OR8G1: variants seen among roughly 807,000 people sequenced by gnomAD.
OR8G1 encodes olfactory receptor family 8 subfamily G member 1.
For synonymous variants in OR8G1, 129 were observed against 133.3 expected (o/e 0.97, Z 0.22); for missense variants, 372 against 356.2 (o/e 1.04, Z -0.36).
chr11:124,246,652 C>T (rs182336736), intron 1 of OR8G1, among the ~76,000 whole-genome samples: 1 of 151,630 alleles, frequency 6.6e-6, no homozygotes, highest in East Asian at 1.9e-4. Flanking sequence ...AAAATCTAAA[C>T]AACATAATTA....
chr11:124,250,145 C>T lies in OR8G1; in HGVS notation c.470C>T (p.Ser157Leu), dbSNP rs1316870453. 6.2e-7 allele frequency: 1 copy of T among 1,613,804 alleles called. No individual in the cohort carries two copies. The part of the protein sequence containing the change: ...GVYIIGLVCA[S>L]VHTGCMFRVQ... Reference sequence around the variant, plus strand: ...TATATAATAGGCCTGGTTTGTGCATCAGTTCATACAGGCTGTATGTTTAGG... The same window carrying T: ...TATATAATAGGCCTGGTTTGTGCATTAGTTCATACAGGCTGTATGTTTAGG... The change falls in exon 3 of 3, where the codon TCA becomes TTA. Residue 157 changes from serine (S) to leucine (L), a missense_variant. Coordinates refer to ENST00000641972, the MANE Select transcript of OR8G1 (RefSeq NM_001002905.2).
intron 1 of OR8G1, 117 bp downstream of exon 1, chr11:124,241,481 AT>A (rs1343202370): frequency 6.6e-6 from 1 of 152,120 alleles, no homozygotes; most frequent in Non-Finnish European, 1.5e-5. Flanking sequence ...TATTTATGAA[AT>A]GCTCTTTTAA....
rs1438982204 is a variant in OR8G1, at chr11:124,250,694, A to G, written c.*83A>G. 111 of 406,234 alleles carry G rather than the reference A, an allele frequency of 2.7e-4. 34 individuals carry two copies. Among genetic ancestry groups the G allele is most frequent in the African/African-American group, 6.8e-5 (2 of 29,374 alleles). 25.2% of individuals were successfully genotyped at this position (406,234 alleles called of 1,614,324 possible). The stretch of plus-strand genomic sequence containing the variant: ...GAATGGATGTCTTTCACTTTAATGC[A>G]TCTGTCAATAATTTTTACCATTTGG... On this transcript the variant is annotated 3_prime_UTR_variant, in exon 3 of 3. Coordinates refer to ENST00000641972, the MANE Select transcript of OR8G1 (RefSeq NM_001002905.2).
At chr11:124,244,228 C>G (rs1343135410) in intron 1 of OR8G1, among the ~76,000 whole-genome samples, 1 of 151,858 alleles carries the variant, frequency 6.6e-6, no homozygotes, top group East Asian at 1.9e-4. Context: ...TGGAACTATT[C>G]TACAAAGACT....
In OR8G1 at chr11:124,252,128, G is replaced by A. The variant is rs1189048101; in HGVS notation, c.*1517G>A. On this transcript the variant is annotated 3_prime_UTR_variant, in exon 3 of 3. Transcript: ENST00000641972. ...ATAGGTTAATAGGACTATTTCCCGG[G>A]AACTCTAAAAACATGGCATGTATAA... 6 of 152,048 alleles carry A rather than the reference G, an allele frequency of 3.9e-5. No homozygotes were observed. Among genetic ancestry groups the A allele is most frequent in the Non-Finnish European group, 8.8e-5 (6 of 68,010 alleles). The allele number at this position is 152,048 out of a possible 1,614,324, so 9.4% of individuals were successfully genotyped here. A position where few individuals can be genotyped will look rare whatever the true frequency, so the allele number is the denominator to read the frequency against.
intron 2 of OR8G1, among the ~76,000 whole-genome samples, chr11:124,248,402 CTG>C (rs954418162): frequency 5.3e-5 from 8 of 149,844 alleles, no homozygotes; most frequent in Admixed American, 6.7e-5. Context: ...TTATGTGTGT[CTG>C]TGTGTGTGTG....
chr11:124,250,479 G>T lies in OR8G1; in HGVS notation c.804G>T (p.Met268Ile). 1 of 1,613,640 alleles carries T rather than the reference G, an allele frequency of 6.2e-7. No homozygotes were observed. The highest frequency in any genetic ancestry group is 8.5e-7 in the Non-Finnish European group (1 of 1,179,740). Residue 268 changes from methionine to isoleucine, a missense_variant, in exon 3 of 3, where the codon ATG becomes ATT. By Grantham distance (10) the Met-to-Ile change is conservative. Coordinates refer to ENST00000641972, the MANE Select transcript of OR8G1 (RefSeq NM_001002905.2). Reference sequence around the variant, plus strand: ...TGCAGCCATCTTCAATCAGCTCCATGGACCAGGGGAAAGTATCCTCTGTGT... The same window carrying T: ...TGCAGCCATCTTCAATCAGCTCCATTGACCAGGGGAAAGTATCCTCTGTGT... ...MYLQPSSISS[M>I]DQGKVSSVFY...
chr11:124,246,053 T>C (rs10790657), intron 1 of OR8G1, among the ~76,000 whole-genome samples: 66,404 of 137,080 alleles, frequency 0.48, 16,794 homozygotes, highest in South Asian at 0.66. Context: ...TCTTTTGTTG[T>C]CATTGCTTTT....
chr11:124,251,488 G>T lies in OR8G1; in HGVS notation c.*877G>T. 1 of 638,862 alleles carries T rather than the reference G, an allele frequency of 1.6e-6. No homozygotes were observed. The allele number at this position is 638,862 out of a possible 1,614,324, so 39.6% of individuals were successfully genotyped here. A position where few individuals can be genotyped will look rare whatever the true frequency, so the allele number is the denominator to read the frequency against. ...TCTTCAAGAATCTATAATATAACTG[G>T]TAACATTCTGACCTATTCTATGCTA... On this transcript the variant is annotated 3_prime_UTR_variant, in exon 3 of 3. Transcript: ENST00000641972.
At chr11:124,246,692 T>C (rs1272750543) in intron 1 of OR8G1, among the ~76,000 whole-genome samples, 7 of 151,616 alleles carry the variant, frequency 4.6e-5, no homozygotes, top group Admixed American at 4.6e-4. Flanking sequence ...AATATATAGA[T>C]CACATGACCC....
rs764815431 is a variant in OR8G1, at chr11:124,250,468, A to G, written c.793A>G (p.Ile265Val). The G allele has an allele frequency of 1.7e-5, 28 of 1,613,578 alleles. No homozygotes were observed. Among genetic ancestry groups the G allele is most frequent in the African/African-American group, 9.3e-5 (7 of 74,888 alleles). ...AAFMYLQPSS[I>V]SSMDQGKVSS... is the part of the protein sequence containing the mutation. ...ATTCATGTACTTGCAGCCATCTTCA[A>G]TCAGCTCCATGGACCAGGGGAAAGT... The change falls in exon 3 of 3, where the codon ATC (isoleucine) becomes GTC (valine). Residue 265 changes from isoleucine to valine, a missense_variant. Coordinates refer to ENST00000641972, the MANE Select transcript of OR8G1 (RefSeq NM_001002905.2).
intron 1 of OR8G1, among the ~76,000 whole-genome samples, chr11:124,245,068 G>T (rs1861798912): frequency 1.3e-5 from 2 of 151,580 alleles, no homozygotes; most frequent in Admixed American, 6.6e-5. Flanking sequence ...CAATGTGCAG[G>T]TTAGTTACAT....
chr11:124,242,219 A>G (rs1283018743), intron 1 of OR8G1, among the ~76,000 whole-genome samples: 1 of 152,052 alleles, frequency 6.6e-6, no homozygotes. Flanking sequence ...TGCTCTTCTT[A>G]GGATACATGA....
chr11:124,243,348 A>G (rs1392155244), intron 1 of OR8G1, among the ~76,000 whole-genome samples: 1 of 151,966 alleles, frequency 6.6e-6, no homozygotes, highest in Admixed American at 6.6e-5. Flanking sequence ...TCAGAGCCTC[A>G]TATTGATCCT....
In OR8G1 at chr11:124,253,743, A is replaced by G. The variant is rs976260061; in HGVS notation, c.*3132A>G. On this transcript the variant is annotated 3_prime_UTR_variant, in exon 3 of 3. Coordinates refer to ENST00000641972, the MANE Select transcript of OR8G1 (RefSeq NM_001002905.2). ...CACACGCCCAGCTGCAGATAAACAC[A>G]ATTCTACTGTCTACCTCTGTGAGTT... 23 of 152,132 alleles carry G rather than the reference A, an allele frequency of 1.5e-4. No individual in the cohort carries two copies. Among genetic ancestry groups the G allele is most frequent in the Non-Finnish European group, 8.8e-5 (6 of 68,018 alleles). 9.4% of individuals were successfully genotyped at this position (152,132 alleles called of 1,614,324 possible).
At chr11:124,246,158 T>G (rs1338974322) in intron 1 of OR8G1, among the ~76,000 whole-genome samples, 1 of 151,996 alleles carries the variant, frequency 6.6e-6, no homozygotes, top group African/African-American at 2.4e-5. Flanking sequence ...TGTCTAACAT[T>G]CAAGTCTTTA....
At chr11:124,241,514 A>C (rs980222060) in intron 1 of OR8G1, 150 bp downstream of exon 1, 1 of 152,094 alleles carries the variant, frequency 6.6e-6, no homozygotes, top group Non-Finnish European at 1.5e-5. Context: ...TGGGCCAGCC[A>C]CTTTGCTAGT....
chr11:124,248,521 GT>G (rs1396152772), intron 2 of OR8G1, among the ~76,000 whole-genome samples: 1 of 151,510 alleles, frequency 6.6e-6, no homozygotes, highest in Non-Finnish European at 1.5e-5. Flanking sequence ...CTGTATTTTA[GT>G]TTTTTTATAG....
At chr11:124,249,587 T>C in intron 2 of OR8G1, 73 bp from the exon 3 acceptor site, 1 of 1,440,522 alleles carries the variant, frequency 6.9e-7, no homozygotes, top group East Asian at 2.5e-5. Context: ...TGGGAACCTT[T>C]TCTCAATGAA....
Sources: gnomAD v4.1 joint callset for allele counts (sites outside exome capture counted in the v4.1 genomes callset) on GRCh38, gnomAD v4.1.1 for gene constraint, MANE v1.5 for transcripts, NCBI Gene and HGNC (gene_info 2026-07-23, HGNC 2026-07-21) for gene names.